The following PRKCZ variants were observed in gnomAD, a reference collection of about 807,000 sequenced individuals.
PRKCZ encodes the protein protein kinase C zeta.
In PRKCZ, 33 loss-of-function variants were observed where a neutral mutation model predicts 79.5. That is an observed-to-expected ratio of 0.41 (90% CI 0.31 to 0.55). The LOEUF (loss-of-function observed/expected upper bound fraction) is 0.55, where lower values mean the gene tolerates loss of function less well. PRKCZ is among the 20% of genes least tolerant of loss of function. PRKCZ has a pLI of 0.19. For synonymous variants in PRKCZ, 342 were observed against 320.9 expected (o/e 1.07, Z -0.70); for missense variants, 578 against 813.5 (o/e 0.71, Z 3.52).
In PRKCZ at chr1:2,156,057, G is replaced by A; in HGVS notation, c.939G>A (p.Leu313=). 6.2e-7 allele frequency: 1 copy of A among 1,613,904 alleles called. No homozygotes were observed. ...VFEQASSNPF[L]VGLHSCFQTT... is the part of the protein sequence containing the mutation. ...AGCAGGCATCCAGCAACCCCTTCCTGGTCGGATTACACTCCTGCTTCCAGA... is the reference window on the plus strand; with the variant it reads ...AGCAGGCATCCAGCAACCCCTTCCTAGTCGGATTACACTCCTGCTTCCAGA... Residue 313 remains leucine (L), a synonymous_variant, in exon 10 of 18, where the codon CTG becomes CTA. Transcript: ENST00000378567.
chr1:2,183,266 C>T (rs900976523), intron 16 of PRKCZ, among the ~76,000 whole-genome samples: 10 of 151,748 alleles, frequency 6.6e-5, no homozygotes, highest in African/African-American at 2.2e-4. Flanking sequence ...CATGGTGGTG[C>T]ATGCCTGTAG....
chr1:2,054,706 C>T (rs756174989), intron 1 of PRKCZ, among the ~76,000 whole-genome samples: 2 of 152,144 alleles, frequency 1.3e-5, no homozygotes, highest in East Asian at 3.9e-4. Flanking sequence ...CCGTCGAGGT[C>T]TGGGGGCAGG....
chr1:2,107,722 G>T (rs1205257239), intron 4 of PRKCZ, among the ~76,000 whole-genome samples: 1 of 152,102 alleles, frequency 6.6e-6, no homozygotes, highest in Non-Finnish European at 1.5e-5. Flanking sequence ...GTGCCTCTCC[G>T]GCCTGTGCCT....
At position 2,144,251 on chromosome 1, in the gene PRKCZ, C is replaced by A; in HGVS notation, c.462C>A (p.Leu154=). The A allele has an allele frequency of 6.4e-7, 1 of 1,555,358 alleles. No homozygotes were observed. Reference sequence around the variant, plus strand: ...AGTGCAGCGAGAGGATATGGGGCCTCGCGAGGCAAGGCTACAGGTGCATCA... The same window carrying A: ...AGTGCAGCGAGAGGATATGGGGCCTAGCGAGGCAAGGCTACAGGTGCATCA... ...CGQCSERIWG[L]ARQGYRCINC... Residue 154 remains leucine (L), a synonymous_variant, in exon 6 of 18, where the codon CTC becomes CTA. Coordinates refer to ENST00000378567, the MANE Select transcript of PRKCZ (RefSeq NM_002744.6).
Position 2,173,822 on chromosome 1 carries a change from A to AC in PRKCZ, c.1286-73dup. ...ACACTCGTGTCAACTGGGCATGAAA[A>AC]CCAACGCCAGCCAGGTTCGTCCTGC... On this transcript the variant is annotated intron_variant, in intron 13 of 17. Coordinates refer to ENST00000378567, the MANE Select transcript of PRKCZ (RefSeq NM_002744.6). This position sits in a 1 kb window ranked among gnomAD's most constrained non-coding sequence, Gnocchi z 5.7. 2 of 1,506,534 alleles carry AC rather than the reference A, an allele frequency of 1.3e-6. No homozygotes were observed. The highest frequency in any genetic ancestry group is 1.8e-6 in the Non-Finnish European group (2 of 1,123,412). The allele number at this position is 1,506,534 out of a possible 1,614,324, so 93.3% of individuals were successfully genotyped here. A position where few individuals can be genotyped will look rare whatever the true frequency, so the allele number is the denominator to read the frequency against.
At chr1:2,130,406 C>T (rs1227351399) in intron 4 of PRKCZ, among the ~76,000 whole-genome samples, 1 of 152,162 alleles carries the variant, frequency 6.6e-6, no homozygotes, top group African/African-American at 2.4e-5. Context: ...GCGTGCCTTC[C>T]CGTGGGACTC....
intron 1 of PRKCZ, 76 bp downstream of exon 1, chr1:2,050,777 G>A (rs1305374093): frequency 1.0e-6 from 1 of 963,878 alleles, no homozygotes; most frequent in Non-Finnish European, 1.3e-6. Flanking sequence ...CGGGGCTCCT[G>A]CGCGAGAGGG....
At chr1:2,140,998 A>G (rs532672244) in intron 5 of PRKCZ, 5 of 152,362 alleles carry the variant, frequency 3.3e-5, no homozygotes, top group African/African-American at 9.6e-5. Context: ...GCAAGGAACA[A>G]GTTGGCAGCA....
chr1:2,160,423 G>A (rs887439285), intron 10 of PRKCZ, among the ~76,000 whole-genome samples: 1 of 152,192 alleles, frequency 6.6e-6, no homozygotes, highest in Non-Finnish European at 1.5e-5. Flanking sequence ...CCGTGGAGAG[G>A]GGGGCAGGCA....
intron 4 of PRKCZ, among the ~76,000 whole-genome samples, chr1:2,087,213 G>A (rs2459989): frequency 0.44 from 66,043 of 151,676 alleles, 16,566 homozygotes; most frequent in East Asian, 0.96. Flanking sequence ...CTCCTGAGTA[G>A]CTGGGATTAC....
At chr1:2,100,891 G>A (rs1341815217) in intron 4 of PRKCZ, among the ~76,000 whole-genome samples, 2 of 152,120 alleles carry the variant, frequency 1.3e-5, no homozygotes, top group African/African-American at 4.8e-5. Context: ...CCCCTGAGGT[G>A]TGAGGGAGGC....
intron 4 of PRKCZ, among the ~76,000 whole-genome samples, chr1:2,097,139 G>C (rs1310993509): frequency 6.6e-6 from 1 of 152,248 alleles, no homozygotes; most frequent in Non-Finnish European, 1.5e-5. Context: ...TGGGGCCACA[G>C]CTGGCCCTTG....
At chr1:2,134,213 C>T (rs938243365) in intron 4 of PRKCZ, among the ~76,000 whole-genome samples, 4 of 152,354 alleles carry the variant, frequency 2.6e-5, no homozygotes, top group Non-Finnish European at 4.4e-5. Flanking sequence ...TTCTTGGTTT[C>T]GCTCTGAATC....
Position 2,185,154 on chromosome 1 carries a change from C to A in PRKCZ, c.*145C>A. On this transcript the variant is annotated 3_prime_UTR_variant, in exon 18 of 18. Coordinates refer to ENST00000378567, the MANE Select transcript of PRKCZ (RefSeq NM_002744.6). ...CCGAGACCGCAGAGGGAAGCGTCAGCGGGCGCTGCTGGGAGCAGAACAGTC... is the reference window on the plus strand; with the variant it reads ...CCGAGACCGCAGAGGGAAGCGTCAGAGGGCGCTGCTGGGAGCAGAACAGTC... The A allele has an allele frequency of 1.2e-6, 1 of 815,536 alleles. No individual in the cohort carries two copies. Among genetic ancestry groups the A allele is most frequent in the Non-Finnish European group, 2.0e-6 (1 of 497,518 alleles). 50.5% of individuals were successfully genotyped at this position (815,536 alleles called of 1,614,324 possible).
intron 10 of PRKCZ, among the ~76,000 whole-genome samples, chr1:2,164,401 C>T (rs1682926614): frequency 6.6e-6 from 1 of 152,214 alleles, no homozygotes; most frequent in African/African-American, 2.4e-5. Context: ...TGGGGCCACA[C>T]TGTGACTGTC....
At chr1:2,099,707 G>T (rs977019409) in intron 4 of PRKCZ, among the ~76,000 whole-genome samples, 10 of 152,226 alleles carry the variant, frequency 6.6e-5, no homozygotes, top group Non-Finnish European at 1.3e-4. Flanking sequence ...TGAGGGTCGG[G>T]TGAGGGCCCC....
intron 2 of PRKCZ, chr1:2,055,876 G>C (rs1014122740): frequency 3.6e-6 from 1 of 281,490 alleles, no homozygotes; most frequent in Non-Finnish European, 6.7e-6. Context: ...GGCCTTTTTC[G>C]GTAGGTGCTT....
At chr1:2,078,062 G>C (rs1188119420) in intron 4 of PRKCZ, among the ~76,000 whole-genome samples, 1 of 152,150 alleles carries the variant, frequency 6.6e-6, no homozygotes, top group East Asian at 1.9e-4. Context: ...CCCAGAAGAG[G>C]GGCAGCTCCC....
At chr1:2,054,436 T>G (rs1399868993) in intron 1 of PRKCZ, among the ~76,000 whole-genome samples, 2 of 152,056 alleles carry the variant, frequency 1.3e-5, no homozygotes, top group Non-Finnish European at 2.9e-5. Flanking sequence ...AGGGGGGACC[T>G]CGGGTCCCTA....
Sources: gnomAD v4.1 joint callset for allele counts (sites outside exome capture counted in the v4.1 genomes callset) on GRCh38, gnomAD v4.1.1 for gene constraint, Gnocchi (gnomAD v3.1) non-coding constraint, MANE v1.5 for transcripts, NCBI Gene and HGNC (gene_info 2026-07-23, HGNC 2026-07-21) for gene names.